C10orf67: variants seen among roughly 807,000 people sequenced by gnomAD.
The protein encoded by C10orf67 is chromosome 10 open reading frame 67, also known as uncharacterized protein C10orf67, mitochondrial.
A neutral mutation model predicts 35.6 loss-of-function variants in C10orf67; 60 were observed. That is an observed-to-expected ratio of 1.68 (90% CI 1.37 to 2.09). The LOEUF (loss-of-function observed/expected upper bound fraction) is 2.09. Ranked by LOEUF, C10orf67 falls within the 30% of genes most tolerant of loss-of-function variation. The probability of loss-of-function intolerance (pLI) is 0.00; values close to 1 mark genes in which losing one functional copy is unlikely to be tolerated. For synonymous variants in C10orf67, 167 were observed against 115.8 expected (o/e 1.44, Z -2.84); for missense variants, 474 against 330.2 (o/e 1.44, Z -3.38).
intron 8 of C10orf67, among the ~76,000 whole-genome samples, chr10:23,281,466 C>T (rs1031102909): frequency 6.6e-6 from 1 of 152,040 alleles, no homozygotes; most frequent in African/African-American, 2.4e-5. Context: ...TAGTGGTAAT[C>T]AGCTGAAAGC....
At chr10:23,277,614 G>A (rs1843230627) in intron 8 of C10orf67, among the ~76,000 whole-genome samples, 1 of 151,220 alleles carries the variant, frequency 6.6e-6, no homozygotes, top group Admixed American at 6.6e-5. Context: ...GTAAGACAAA[G>A]CCACTTTTGC....
intron 1 of C10orf67, 78 bp from the exon 2 acceptor site, chr10:23,333,260 T>C: frequency 7.4e-7 from 1 of 1,343,100 alleles, no homozygotes; most frequent in South Asian, 1.3e-5. Flanking sequence ...TCTTTTTTTG[T>C]GTAAATCATA....
At chr10:23,299,478 C>G (rs1843999653) in intron 5 of C10orf67, among the ~76,000 whole-genome samples, 1 of 152,142 alleles carries the variant, frequency 6.6e-6, no homozygotes, top group African/African-American at 2.4e-5. Flanking sequence ...CTCCTATGTT[C>G]AGGTGTATAA....
Position 23,344,563 on chromosome 10 carries a change from G to T in C10orf67, c.206+6C>A. On this transcript the variant is annotated splice_donor_region_variant and intron_variant, in intron 1 of 15. Coordinates refer to ENST00000636213, the MANE Select transcript of C10orf67 (RefSeq NM_001371909.1). ...CTCCTCTACCCAGGCGCGGAGCTCA[G>T]CCTACCTCGTGGACCCGCGCATTTG... is the stretch of plus-strand genomic sequence containing the variant. The T allele has an allele frequency of 6.4e-7, 1 of 1,569,688 alleles. No homozygotes were observed.
rs183214000 is a variant in C10orf67 at position 23,215,987 on chromosome 10, A to G, written c.1570+7611T>C. 5.4e-4 allele frequency among the ~76,000 whole-genome samples: 82 copies of G among 152,310 alleles called. No individual in the cohort carries two copies. In the East Asian group the frequency reaches 5.8e-3, roughly 11 times the overall value. On this transcript the variant is annotated intron_variant, in intron 15 of 15. Transcript: ENST00000636213. ...AGAATAGCTATGACAAACCTACAAT[A>G]AACATCATACTTCATGATGACACTT...
At chr10:23,225,957 CAA>C (rs1345469099) in intron 13 of C10orf67, among the ~76,000 whole-genome samples, 2 of 152,000 alleles carry the variant, frequency 1.3e-5, no homozygotes, top group African/African-American at 4.8e-5. Flanking sequence ...AAGAGACCTA[CAA>C]AGAGACTTAG....
intron 2 of C10orf67, among the ~76,000 whole-genome samples, chr10:23,329,041 A>AAAG (rs1354757504): frequency 2.0e-5 from 3 of 150,842 alleles, no homozygotes; most frequent in African/African-American, 7.3e-5. Flanking sequence ...AAAGAAAAGA[A>AAAG]AGAAAGAGTA....
At chr10:23,227,273 C>T (rs1841767110) in intron 13 of C10orf67, among the ~76,000 whole-genome samples, 1 of 152,156 alleles carries the variant, frequency 6.6e-6, no homozygotes, top group Non-Finnish European at 1.5e-5. Flanking sequence ...GGATGCAAGG[C>T]TGGTTCAACA....
At chr10:23,258,867 C>A (rs980015086) in intron 10 of C10orf67, among the ~76,000 whole-genome samples, 1 of 152,214 alleles carries the variant, frequency 6.6e-6, no homozygotes, top group Non-Finnish European at 1.5e-5. Flanking sequence ...GTGTTGCCTT[C>A]ACCATCCTAT....
intron 13 of C10orf67, among the ~76,000 whole-genome samples, chr10:23,227,675 A>T (rs1841778977): frequency 6.6e-6 from 1 of 152,186 alleles, no homozygotes; most frequent in African/African-American, 2.4e-5. Flanking sequence ...ACATGATTGT[A>T]TATCTAGAAA....
At chr10:23,229,006 C>T (rs1338902996) in intron 13 of C10orf67, among the ~76,000 whole-genome samples, 1 of 152,078 alleles carries the variant, frequency 6.6e-6, no homozygotes, top group East Asian at 1.9e-4. Flanking sequence ...CTAGTTCAAC[C>T]ATTGTGGAAG....
intron 13 of C10orf67, among the ~76,000 whole-genome samples, chr10:23,226,050 G>C (rs1841732321): frequency 6.6e-6 from 1 of 152,042 alleles, no homozygotes. Flanking sequence ...AGTTAACAAG[G>C]ATATCCAGGA....
In C10orf67 at chr10:23,342,170, A is replaced by G. The variant is rs929366852; in HGVS notation, c.206+2399T>C. 6.6e-5 allele frequency among the ~76,000 whole-genome samples: 10 copies of G among 151,556 alleles called. No individual in the cohort carries two copies. In the East Asian group the frequency reaches 1.8e-3, roughly 27 times the overall value. ...CAGAGTGAGACCCTGACTCTAAAAA[A>G]CAAAACAAAACAAAACAAAAATTAA... On this transcript the variant is annotated intron_variant, in intron 1 of 15. Coordinates refer to ENST00000636213, the MANE Select transcript of C10orf67 (RefSeq NM_001371909.1).
rs548488625 is a variant in C10orf67 at position 23,253,410 on chromosome 10, C to T, written c.1201-2719G>A. ...GTGAACCACCTCTTTGTCCAGGGTA[C>T]AAGGGGTAGAGAGTGAGTTCACTGC... On this transcript the variant is annotated intron_variant, in intron 10 of 15. Transcript: ENST00000636213. 3.9e-5 allele frequency among the ~76,000 whole-genome samples: 6 copies of T among 152,254 alleles called. No homozygotes were observed. The East Asian group carries it at 1.2e-3, about 29-fold the overall frequency.
intron 1 of C10orf67, 142 bp downstream of exon 1, chr10:23,344,427 T>G: frequency 1.2e-6 from 1 of 836,108 alleles, no homozygotes. Context: ...CCTCAAGGCT[T>G]CCCCACAAGA....
intron 4 of C10orf67, among the ~76,000 whole-genome samples, chr10:23,320,365 C>T (rs1435097818): frequency 6.6e-6 from 1 of 152,082 alleles, no homozygotes; most frequent in African/African-American, 2.4e-5. Context: ...TAGAAATGTC[C>T]CTGTCATTAG....
chr10:23,219,453 A>T (rs1372837624), intron 15 of C10orf67, among the ~76,000 whole-genome samples: 2 of 152,236 alleles, frequency 1.3e-5, no homozygotes, highest in Non-Finnish European at 2.9e-5. Context: ...GTGGCAGTGC[A>T]CAGTACACAA....
At chr10:23,301,563 A>G (rs1455449138) in intron 5 of C10orf67, among the ~76,000 whole-genome samples, 1 of 152,200 alleles carries the variant, frequency 6.6e-6, no homozygotes, top group African/African-American at 2.4e-5. Flanking sequence ...AGCTCCCAAG[A>G]TGGTGGTGGG....
intron 13 of C10orf67, among the ~76,000 whole-genome samples, chr10:23,231,546 C>G (rs1490134495): frequency 6.6e-6 from 1 of 152,146 alleles, no homozygotes; most frequent in Non-Finnish European, 1.5e-5. Context: ...AATGAAGCAG[C>G]CTTCCATCTA....
Sources: gnomAD v4.1 joint callset for allele counts (sites outside exome capture counted in the v4.1 genomes callset) on GRCh38, gnomAD v4.1.1 for gene constraint, MANE v1.5 for transcripts, NCBI Gene and HGNC (gene_info 2026-07-23, HGNC 2026-07-21) for gene names.